EXOC4: variants seen among roughly 807,000 people sequenced by gnomAD.
EXOC4 encodes exocyst complex component 4.
In EXOC4, 71 loss-of-function variants were observed where a neutral mutation model predicts 107.2. The ratio of observed to expected loss-of-function variants is 0.66; its 90% CI spans 0.55 to 0.81. The LOEUF is 0.81. Among genes scored for constraint, EXOC4 ranks in the 30% least tolerant of loss-of-function variants. EXOC4 has a pLI of 0.00. For synonymous variants in EXOC4, 456 were observed against 441.2 expected, an observed-to-expected ratio of 1.03 and a Z score of -0.42; for missense variants, 1,108 against 1,189.6, an observed-to-expected ratio of 0.93 and a Z score of 1.01.
At chr7:133,272,778 G>T (rs1793902540) in intron 1 of EXOC4, among the ~76,000 whole-genome samples, 1 of 152,108 alleles carries the variant, frequency 6.6e-6, no homozygotes, top group East Asian at 1.9e-4. Flanking sequence ...ACCCCCAGTA[G>T]GCCCAATTTC....
intron 11 of EXOC4, among the ~76,000 whole-genome samples, chr7:133,861,531 T>TTTTGC (rs1798533030): frequency 6.6e-6 from 1 of 150,904 alleles, no homozygotes; most frequent in Non-Finnish European, 1.5e-5. Flanking sequence ...TGTTTTTTTG[T>TTTTGC]TTTGTTTTGT....
chr7:133,730,201 G>C (rs888553357), intron 10 of EXOC4, among the ~76,000 whole-genome samples: 6 of 148,188 alleles, frequency 4.0e-5, no homozygotes, highest in African/African-American at 1.5e-4. Context: ...CAGCTTCTTA[G>C]TGACCTTCTT....
intron 10 of EXOC4, among the ~76,000 whole-genome samples, chr7:133,641,962 C>A (rs1802866840): frequency 6.6e-6 from 1 of 152,106 alleles, no homozygotes; most frequent in Non-Finnish European, 1.5e-5. Flanking sequence ...TAAAAAGAAA[C>A]CAACATCCTT....
At chr7:133,540,961 A>G (rs1800367938) in intron 9 of EXOC4, among the ~76,000 whole-genome samples, 2 of 152,110 alleles carry the variant, frequency 1.3e-5, no homozygotes, top group Non-Finnish European at 2.9e-5. Flanking sequence ...CGTTATTAAC[A>G]ATTTTGTTTT....
At chr7:133,632,806 AAAAT>A (rs200517783) in intron 10 of EXOC4, among the ~76,000 whole-genome samples, 3,200 of 152,302 alleles carry the variant, frequency 0.021, 119 homozygotes, top group African/African-American at 0.073. Context: ...CTATGTAAAT[AAAAT>A]TGTGTAGATA....
intron 10 of EXOC4, among the ~76,000 whole-genome samples, chr7:133,790,466 A>G (rs534010148): frequency 6.6e-6 from 1 of 152,376 alleles, no homozygotes; most frequent in East Asian, 1.9e-4. Context: ...TAACACCTCA[A>G]GTTGCATCAA....
At chr7:133,715,346 CT>C (rs1794977979) in intron 10 of EXOC4, among the ~76,000 whole-genome samples, 1 of 152,182 alleles carries the variant, frequency 6.6e-6, no homozygotes, top group African/African-American at 2.4e-5. Context: ...CCTTTCATTT[CT>C]TGTGGCTACC....
At chr7:134,096,812 C>T in the EXOC4 span, among the ~76,000 whole-genome samples, 3 of 151,978 alleles carry the variant, frequency 2.0e-5, no homozygotes, top group African/African-American at 7.3e-5. Flanking sequence ...CAGATGGTGC[C>T]CACCCAGATT....
intron 14 of EXOC4, among the ~76,000 whole-genome samples, chr7:133,987,024 A>AT (rs968689591): frequency 8.6e-5 from 13 of 151,384 alleles, no homozygotes; most frequent in South Asian, 2.1e-4. Flanking sequence ...TCCTATTTTT[A>AT]TTTTTTTTTA....
chr7:133,321,273 CTT>C (rs955363972), intron 5 of EXOC4, among the ~76,000 whole-genome samples: 2 of 145,896 alleles, frequency 1.4e-5, no homozygotes, highest in African/African-American at 5.0e-5. Context: ...TTGTGGGTGA[CTT>C]TTTTTTTTTA....
At chr7:134,058,364 A>T (rs1795978574) in intron 17 of EXOC4, among the ~76,000 whole-genome samples, 1 of 152,196 alleles carries the variant, frequency 6.6e-6, no homozygotes, top group Non-Finnish European at 1.5e-5. Context: ...AATGAAAATA[A>T]TTATCTCCCT....
intron 17 of EXOC4, among the ~76,000 whole-genome samples, chr7:134,014,130 G>A (rs946280338): frequency 2.6e-5 from 4 of 152,324 alleles, no homozygotes; most frequent in East Asian, 1.9e-4. Flanking sequence ...CAGGTTGGGC[G>A]CGGTGGCTCA....
At chr7:134,028,748 C>T (rs915968903) in intron 17 of EXOC4, among the ~76,000 whole-genome samples, 2 of 152,224 alleles carry the variant, frequency 1.3e-5, no homozygotes, top group Non-Finnish European at 2.9e-5. Flanking sequence ...TTAGGGTCAT[C>T]ATGTGCCCTT....
chr7:133,623,147 C>G (rs1308862642), intron 9 of EXOC4, among the ~76,000 whole-genome samples: 1 of 151,898 alleles, frequency 6.6e-6, no homozygotes, highest in African/African-American at 2.4e-5. Flanking sequence ...TCCTTTTTTT[C>G]TACATATCCA....
At chr7:133,675,109 T>C (rs1395999353) in intron 10 of EXOC4, among the ~76,000 whole-genome samples, 1 of 152,208 alleles carries the variant, frequency 6.6e-6, no homozygotes, top group Non-Finnish European at 1.5e-5. Context: ...GTTAGTGTTT[T>C]CCATTTTCTT....
chr7:133,265,973 T>C (rs1793721567), intron 1 of EXOC4, among the ~76,000 whole-genome samples: 1 of 152,192 alleles, frequency 6.6e-6, no homozygotes, highest in Non-Finnish European at 1.5e-5. Context: ...CTTGAAAAAT[T>C]AACCAACCAA....
chr7:133,951,724 T>G (rs1334661608), intron 14 of EXOC4, among the ~76,000 whole-genome samples: 1 of 152,228 alleles, frequency 6.6e-6, no homozygotes, highest in Non-Finnish European at 1.5e-5. Context: ...AAAATCCACA[T>G]GGCTTGGGAA....
chr7:133,542,979 G>A (rs1428861140), intron 9 of EXOC4, among the ~76,000 whole-genome samples: 4 of 151,956 alleles, frequency 2.6e-5, no homozygotes, highest in East Asian at 1.9e-4. Context: ...GCCTGAAGAC[G>A]ACCATAGCTA....
intron 10 of EXOC4, among the ~76,000 whole-genome samples, chr7:133,691,089 T>A (rs1240977783): frequency 6.6e-6 from 1 of 152,220 alleles, no homozygotes; most frequent in African/African-American, 2.4e-5. Context: ...ATAATCCTTG[T>A]GTTTGAGCAG....
Sources: gnomAD v4.1 joint callset for allele counts (sites outside exome capture counted in the v4.1 genomes callset) on GRCh38, gnomAD v4.1.1 for gene constraint, MANE v1.5 for transcripts, NCBI Gene and HGNC (gene_info 2026-07-23, HGNC 2026-07-21) for gene names.